SLC9D1: variants seen among roughly 807,000 people sequenced by gnomAD.
The protein encoded by SLC9D1 is putative LAG1-interacting protein.
At chr13:113,542,790 C>G in the SLC9D1 span, among the ~76,000 whole-genome samples, 2 of 152,118 alleles carry the variant, frequency 1.3e-5, no homozygotes, top group South Asian at 4.1e-4. Context: ...AGCACAACCT[C>G]AACCAAACGG....
chr13:113,524,035 C>A, the SLC9D1 span: 1 of 444,966 alleles, frequency 2.2e-6, no homozygotes, highest in South Asian at 1.6e-5. Context: ...GCCAGTGATA[C>A]TGTCTGTGGT....
At chr13:113,509,421 C>A in the SLC9D1 span, among the ~76,000 whole-genome samples, 1 of 150,640 alleles carries the variant, frequency 6.6e-6, no homozygotes, top group Admixed American at 6.6e-5. Flanking sequence ...GACTGGCGGG[C>A]TTGGTGGGTG....
At chr13:113,503,085 G>GA in the SLC9D1 span, among the ~76,000 whole-genome samples, 2 of 152,246 alleles carry the variant, frequency 1.3e-5, no homozygotes, top group African/African-American at 2.4e-5. Flanking sequence ...CACCAGAGGT[G>GA]AAAAATCACT....
the SLC9D1 span, among the ~76,000 whole-genome samples, chr13:113,516,157 G>C: frequency 1.3e-5 from 2 of 152,214 alleles, 1 homozygote; most frequent in South Asian, 4.1e-4. Context: ...TAGAGTGGAG[G>C]TTAGTGTATG....
chr13:113,546,265 C>T, the SLC9D1 span, among the ~76,000 whole-genome samples: 3 of 151,650 alleles, frequency 2.0e-5, no homozygotes, highest in Admixed American at 6.6e-5. This position sits in a 1 kb window ranked among gnomAD's most constrained non-coding sequence, Gnocchi z 7.1. Flanking sequence ...GGACTGGGGC[C>T]GGGGCTCAGC....
At chr13:113,537,869 C>T in the SLC9D1 span, among the ~76,000 whole-genome samples, 43 of 151,742 alleles carry the variant, frequency 2.8e-4, no homozygotes, top group East Asian at 8.2e-3. Context: ...TAGCATCACC[C>T]TGTCAAAAAC....
At chr13:113,544,011 G>A in the SLC9D1 span, among the ~76,000 whole-genome samples, 295 of 152,342 alleles carry the variant, frequency 1.9e-3, 1 homozygote, top group African/African-American at 6.7e-3. Context: ...GCACGTAGAC[G>A]GCATCTGCCC....
the SLC9D1 span, chr13:113,549,505 T>C: frequency 1.9e-6 from 3 of 1,614,028 alleles, no homozygotes; most frequent in Non-Finnish European, 2.5e-6. Flanking sequence ...TCACGAGGTG[T>C]GTGCCCAGAC....
At chr13:113,539,294 G>C in the SLC9D1 span, 167 of 1,543,894 alleles carry the variant, frequency 1.1e-4, no homozygotes, top group African/African-American at 2.0e-3. This position sits in a 1 kb window ranked among gnomAD's most constrained non-coding sequence, Gnocchi z 4.8. Flanking sequence ...GGGTGGCCTT[G>C]GGATGGGGGT....
the SLC9D1 span, among the ~76,000 whole-genome samples, chr13:113,547,690 CT>C: frequency 6.6e-6 from 1 of 152,206 alleles, no homozygotes; most frequent in African/African-American, 2.4e-5. Context: ...TGCAGACATG[CT>C]TTTTAAAGAC....
chr13:113,501,145 C>T, the SLC9D1 span, among the ~76,000 whole-genome samples: 1 of 152,262 alleles, frequency 6.6e-6, no homozygotes, highest in African/African-American at 2.4e-5. Context: ...GATTAGAAAA[C>T]TCAGTGGAAT....
the SLC9D1 span, chr13:113,547,243 G>T: frequency 3.9e-6 from 5 of 1,291,006 alleles, no homozygotes; most frequent in East Asian, 1.2e-4. Context: ...GTGAGAAATA[G>T]TGTGCGCTGG....
the SLC9D1 span, among the ~76,000 whole-genome samples, chr13:113,510,757 A>G: frequency 2.6e-5 from 4 of 152,228 alleles, no homozygotes; most frequent in Non-Finnish European, 4.4e-5. Flanking sequence ...GAAGTTGCGT[A>G]TGTTTTGCTG....
the SLC9D1 span, chr13:113,510,401 G>A: frequency 1.9e-6 from 3 of 1,613,306 alleles, no homozygotes; most frequent in Admixed American, 5.0e-5. Flanking sequence ...TTCCTCATGG[G>A]CAGTGCTCGG....
At chr13:113,531,715 A>G in the SLC9D1 span, among the ~76,000 whole-genome samples, 7 of 145,898 alleles carry the variant, frequency 4.8e-5, no homozygotes, top group East Asian at 4.2e-4. Context: ...AGCAGCACGC[A>G]CGTGGACCTG....
At chr13:113,534,604 C>T in the SLC9D1 span, 1 of 292,790 alleles carries the variant, frequency 3.4e-6, no homozygotes, top group Admixed American at 4.8e-5. Flanking sequence ...GCCAGGACAA[C>T]AGAGTGAGAA....
chr13:113,494,263 A>G, the SLC9D1 span, among the ~76,000 whole-genome samples: 3 of 152,134 alleles, frequency 2.0e-5, no homozygotes, highest in East Asian at 3.9e-4. Context: ...CTTTTTTGGG[A>G]TAGCTACTTG....
the SLC9D1 span, chr13:113,534,048 T>C: frequency 1.9e-6 from 3 of 1,590,878 alleles, no homozygotes; most frequent in East Asian, 2.2e-5. Context: ...TTCCCAGCAT[T>C]GTCGTGGAAG....
At chr13:113,531,528 G>A in the SLC9D1 span, among the ~76,000 whole-genome samples, 1 of 150,826 alleles carries the variant, frequency 6.6e-6, no homozygotes, top group African/African-American at 2.5e-5. Context: ...CCCCGTACGT[G>A]CAGATCAAGA....
Sources: allele counts gnomAD v4.1 joint callset (sites outside exome capture counted in the v4.1 genomes callset), GRCh38; gene constraint gnomAD v4.1.1; non-coding constraint Gnocchi (gnomAD v3.1); transcripts MANE v1.5; gene names NCBI Gene and HGNC (gene_info 2026-07-23, HGNC 2026-07-21).